Variants in EYS observed in about 807,000 individuals in gnomAD.
EYS encodes protein eyes shut homolog.
Under a neutral mutation model 282.1 loss-of-function variants are expected in EYS, and 250 were observed. The observed-to-expected ratio is 0.89, with a 90% CI of 0.80 to 0.98. The LOEUF is 0.98. EYS is among the 50% of genes least tolerant of loss of function. The pLI, the probability that EYS is intolerant of heterozygous loss-of-function variation, is 0.00. For missense variants in EYS, 4,016 were observed against 3,709.0 expected, an observed-to-expected ratio of 1.08 and a Z score of -2.15; for synonymous variants, 1,355 against 1,282.9, an observed-to-expected ratio of 1.06 and a Z score of -1.20.
intron 22 of EYS, among the ~76,000 whole-genome samples, chr6:64,627,741 T>C: frequency 6.6e-6 from 1 of 152,230 alleles, no homozygotes; most frequent in East Asian, 1.9e-4. Flanking sequence ...TCCACTGTGC[T>C]AGATCCTTAC....
At chr6:65,641,425 T>G (rs550900512) in intron 1 of EYS, among the ~76,000 whole-genome samples, 5 of 152,330 alleles carry the variant, frequency 3.3e-5, no homozygotes, top group African/African-American at 9.6e-5. Flanking sequence ...CAGCCATGCC[T>G]GGTTTCTGAG....
intron 26 of EYS, among the ~76,000 whole-genome samples, chr6:64,550,456 G>C (rs532546398): frequency 6.6e-6 from 1 of 152,092 alleles, no homozygotes; most frequent in African/African-American, 2.4e-5. Flanking sequence ...GTATCTCATT[G>C]TGGTTTTGAT....
chr6:64,626,963 A>G (rs981189694), intron 22 of EYS, among the ~76,000 whole-genome samples: 1 of 152,168 alleles, frequency 6.6e-6, no homozygotes, highest in African/African-American at 2.4e-5. Context: ...AATTGGAAGA[A>G]TAGATATGGA....
At chr6:64,747,313 T>G (rs1434956621) in intron 22 of EYS, among the ~76,000 whole-genome samples, 1 of 152,192 alleles carries the variant, frequency 6.6e-6, no homozygotes, top group Non-Finnish European at 1.5e-5. Context: ...GCATTTTTCT[T>G]TCTGGTAACC....
At chr6:64,672,475 C>G (rs1047715436) in intron 22 of EYS, among the ~76,000 whole-genome samples, 3 of 152,082 alleles carry the variant, frequency 2.0e-5, no homozygotes, top group Non-Finnish European at 4.4e-5. Context: ...CTCCCTCAAG[C>G]CTTTTAAAGT....
At chr6:64,651,345 T>C (rs896925496) in intron 22 of EYS, among the ~76,000 whole-genome samples, 12 of 152,206 alleles carry the variant, frequency 7.9e-5, no homozygotes, top group African/African-American at 2.7e-4. Context: ...TGTATATATG[T>C]GCAGTTCAAA....
chr6:64,577,841 C>T (rs1452661455), intron 26 of EYS, among the ~76,000 whole-genome samples: 1 of 152,036 alleles, frequency 6.6e-6, no homozygotes, highest in Non-Finnish European at 1.5e-5. Flanking sequence ...TCTGATAAGC[C>T]TACTTGTAGC....
intron 11 of EYS, chr6:65,304,206 TGA>T: frequency 3.2e-6 from 2 of 619,142 alleles, no homozygotes; most frequent in Admixed American, 2.5e-5. Context: ...TGTGAGATCA[TGA>T]GAGAGACGCG....
At position 64,033,010 on chromosome 6, in the gene EYS, G is replaced by A. The variant is rs532376159; in HGVS notation, c.6725+33328C>T. Among the ~76,000 whole-genome samples the A allele has an allele frequency of 2.2e-4, 34 of 152,278 alleles. No homozygotes were observed. In the South Asian group the frequency reaches 7.0e-3, roughly 32 times the overall value. ...CTTCAAGAGTCTTAGAAGCTCTTTT[G>A]TCAGGAAGAGGGGCTAAGACCAAAC... On this transcript the variant is annotated intron_variant, in intron 33 of 42. Coordinates refer to ENST00000503581, the MANE Select transcript of EYS (RefSeq NM_001142800.2).
intron 2 of EYS, among the ~76,000 whole-genome samples, chr6:65,561,337 G>A (rs891525026): frequency 1.3e-5 from 2 of 152,096 alleles, no homozygotes; most frequent in African/African-American, 4.8e-5. Flanking sequence ...AACCTTTAAT[G>A]CTCCCAATTA....
intron 33 of EYS, among the ~76,000 whole-genome samples, chr6:64,042,314 G>T (rs962157499): frequency 5.9e-5 from 9 of 152,150 alleles, no homozygotes; most frequent in Admixed American, 1.3e-4. Context: ...GCAATGCCTT[G>T]CTTCTCAGTT....
intron 5 of EYS, among the ~76,000 whole-genome samples, chr6:65,419,657 T>G (rs1767377624): frequency 6.6e-6 from 1 of 151,950 alleles, no homozygotes; most frequent in African/African-American, 2.4e-5. Flanking sequence ...TAATATGTAA[T>G]GTACCTCAAT....
chr6:64,120,310 C>T (rs530223455), intron 31 of EYS, among the ~76,000 whole-genome samples: 3 of 138,024 alleles, frequency 2.2e-5, no homozygotes, highest in Non-Finnish European at 3.0e-5. Context: ...GAGAGGAGAT[C>T]GCACCACTGC....
intron 19 of EYS, among the ~76,000 whole-genome samples, chr6:64,832,707 T>A (rs1765261079): frequency 6.6e-6 from 1 of 151,940 alleles, no homozygotes; most frequent in Admixed American, 6.6e-5. Flanking sequence ...GTATCATGGA[T>A]ATATGCATAT....
rs11970666 is a variant in EYS at position 64,950,784 on chromosome 6, C to T, written c.2260-4870G>A. On this transcript the variant is annotated intron_variant, in intron 14 of 42. Coordinates refer to ENST00000503581, the MANE Select transcript of EYS (RefSeq NM_001142800.2). The stretch of plus-strand genomic sequence containing the variant: ...GTAGAAACTGAATAAAAAATATATA[C>T]ACATATACATATACATATATATATA... Among the ~76,000 whole-genome samples, 709 of 94,250 alleles carry T rather than the reference C, an allele frequency of 7.5e-3. 9 individuals are homozygous for T. Among genetic ancestry groups the T allele is most frequent in the Non-Finnish European group, 0.01 (531 of 50,608 alleles). 61.8% of individuals were successfully genotyped at this position (94,250 alleles called of 152,430 possible). A position where few individuals can be genotyped will look rare whatever the true frequency, so the allele number is the denominator to read the frequency against.
At chr6:64,958,734 CAA>C (rs1167094477) in intron 14 of EYS, among the ~76,000 whole-genome samples, 206 of 51,628 alleles carry the variant, frequency 4.0e-3, no homozygotes, top group African/African-American at 0.018. Flanking sequence ...GACTCCGTCT[CAA>C]AAAAAAAAAA....
At chr6:65,082,650 TTTCCTACAC>T (rs1370513702) in intron 12 of EYS, among the ~76,000 whole-genome samples, 10 of 152,024 alleles carry the variant, frequency 6.6e-5, no homozygotes, top group Non-Finnish European at 1.2e-4. Flanking sequence ...ACATTGCATT[TTTCCTACAC>T]TCTGTGCATA....
chr6:65,043,271 CA>C (rs1772994233), intron 13 of EYS, among the ~76,000 whole-genome samples: 1 of 151,248 alleles, frequency 6.6e-6, no homozygotes. Context: ...GTGTTTAAAG[CA>C]AATTTTATAA....
chr6:63,737,072 C>T (rs1768933774), intron 41 of EYS, among the ~76,000 whole-genome samples: 1 of 150,416 alleles, frequency 6.6e-6, no homozygotes, highest in African/African-American at 2.4e-5. Context: ...AACTGAATAC[C>T]CTTTATTTCC....
Sources: gnomAD v4.1 joint callset for allele counts (sites outside exome capture counted in the v4.1 genomes callset) on GRCh38, gnomAD v4.1.1 for gene constraint, MANE v1.5 for transcripts, NCBI Gene and HGNC (gene_info 2026-07-23, HGNC 2026-07-21) for gene names.